MMP16: variants seen among roughly 807,000 people sequenced by gnomAD.
MMP16 encodes matrix metalloproteinase-16.
In MMP16, 12 loss-of-function variants were observed where a neutral mutation model predicts 67.8. The ratio of observed to expected loss-of-function variants is 0.18; its 90% CI spans 0.11 to 0.29. The LOEUF (loss-of-function observed/expected upper bound fraction) is 0.29. MMP16 is among the 10% of genes least tolerant of loss of function. The probability of loss-of-function intolerance (pLI) is 1.00; values close to 1 mark genes in which losing one functional copy is unlikely to be tolerated. For missense variants in MMP16, 475 were observed against 765.7 expected (o/e 0.62, Z 4.48); for synonymous variants, 249 against 255.9 (o/e 0.97, Z 0.26).
At chr8:88,264,377 T>C (rs1454856571) in intron 1 of MMP16, among the ~76,000 whole-genome samples, 1 of 152,064 alleles carries the variant, frequency 6.6e-6, no homozygotes, top group Non-Finnish European at 1.5e-5. Context: ...TTTTTAAAAA[T>C]TTTTTTAGAG....
chr8:88,122,358 C>G (rs1807854152), intron 4 of MMP16, among the ~76,000 whole-genome samples: 2 of 151,914 alleles, frequency 1.3e-5, no homozygotes, highest in Admixed American at 1.3e-4. Context: ...CTCCATGAAG[C>G]CTTCTCCAAA....
At chr8:88,166,670 A>T (rs1808715871) in intron 4 of MMP16, among the ~76,000 whole-genome samples, 1 of 116,530 alleles carries the variant, frequency 8.6e-6, no homozygotes, top group Admixed American at 8.9e-5. Flanking sequence ...GAGACAAAAG[A>T]GAAGGAGCAA....
intron 1 of MMP16, among the ~76,000 whole-genome samples, chr8:88,298,121 G>C (rs1811040120): frequency 6.6e-6 from 1 of 152,170 alleles, no homozygotes; most frequent in Non-Finnish European, 1.5e-5. Flanking sequence ...AAAGTGATTA[G>C]AAGGTAAAAG....
chr8:88,056,520 A>C (rs1333212687), intron 7 of MMP16, among the ~76,000 whole-genome samples: 1 of 151,864 alleles, frequency 6.6e-6, no homozygotes, highest in Non-Finnish European at 1.5e-5. Context: ...AATATAACCA[A>C]AATTTGTGAG....
At chr8:88,147,913 CT>C (rs1241170343) in intron 4 of MMP16, among the ~76,000 whole-genome samples, 4 of 152,216 alleles carry the variant, frequency 2.6e-5, no homozygotes, top group Admixed American at 2.0e-4. Flanking sequence ...TTTGCATACT[CT>C]TTCCCCCGTT....
chr8:88,237,227 T>A (rs1476897415), intron 1 of MMP16, among the ~76,000 whole-genome samples: 1 of 152,212 alleles, frequency 6.6e-6, no homozygotes. Flanking sequence ...GAAATTCTTT[T>A]TGTTCAACTA....
chr8:88,260,765 T>C (rs563485074), intron 1 of MMP16, among the ~76,000 whole-genome samples: 6 of 152,256 alleles, frequency 3.9e-5, no homozygotes, highest in African/African-American at 1.2e-4. Context: ...AGTATAAACA[T>C]AGCTAAATGA....
intron 1 of MMP16, among the ~76,000 whole-genome samples, chr8:88,207,630 T>C (rs1476454719): frequency 6.6e-6 from 1 of 151,876 alleles, no homozygotes; most frequent in South Asian, 2.1e-4. Flanking sequence ...GTAGCACAGA[T>C]TGATGTCTGC....
At chr8:88,275,451 T>G (rs1407237453) in intron 1 of MMP16, among the ~76,000 whole-genome samples, 1 of 151,918 alleles carries the variant, frequency 6.6e-6, no homozygotes, top group African/African-American at 2.4e-5. Flanking sequence ...GCTTAGCCAT[T>G]TTTTTCAGGA....
chr8:88,278,186 C>T (rs1209164038), intron 1 of MMP16, among the ~76,000 whole-genome samples: 1 of 152,130 alleles, frequency 6.6e-6, no homozygotes, highest in Non-Finnish European at 1.5e-5. Context: ...ATCCTGAAAC[C>T]TGTATTTTTG....
At chr8:88,197,339 A>G (rs565297653) in intron 1 of MMP16, 33 bp from the exon 2 acceptor site, 6 of 1,503,142 alleles carry the variant, frequency 4.0e-6, no homozygotes, top group Middle Eastern at 1.8e-4. Flanking sequence ...TTTTAGATCA[A>G]TTTTACAATT....
intron 1 of MMP16, among the ~76,000 whole-genome samples, chr8:88,249,268 A>G (rs528837923): frequency 6.6e-6 from 1 of 152,188 alleles, no homozygotes; most frequent in South Asian, 2.1e-4. Context: ...AAAACACAAA[A>G]TTTGGAAGCC....
intron 4 of MMP16, among the ~76,000 whole-genome samples, chr8:88,139,835 C>T (rs1808182304): frequency 6.6e-6 from 1 of 151,978 alleles, no homozygotes; most frequent in Non-Finnish European, 1.5e-5. Context: ...TCATAGAAAA[C>T]AGGAAATTTA....
intron 1 of MMP16, among the ~76,000 whole-genome samples, chr8:88,252,386 C>T (rs1053474421): frequency 1.7e-4 from 26 of 152,068 alleles, no homozygotes; most frequent in Non-Finnish European, 3.2e-4. Flanking sequence ...CAACTGATTT[C>T]TCAGTCACTA....
intron 1 of MMP16, among the ~76,000 whole-genome samples, chr8:88,280,489 G>A (rs557744535): frequency 2.6e-5 from 4 of 152,250 alleles, no homozygotes; most frequent in Middle Eastern, 6.8e-3. Flanking sequence ...AATGATTCTG[G>A]TCTGTGTCTT....
intron 1 of MMP16, among the ~76,000 whole-genome samples, chr8:88,285,922 C>G (rs562579593): frequency 6.6e-6 from 1 of 152,242 alleles, no homozygotes; most frequent in South Asian, 2.1e-4. Flanking sequence ...TCTCATCCTC[C>G]TCCTGCAACA....
chr8:88,260,671 A>G (rs902182699), intron 1 of MMP16, among the ~76,000 whole-genome samples: 1 of 152,144 alleles, frequency 6.6e-6, no homozygotes, highest in Non-Finnish European at 1.5e-5. Context: ...ATTATTAGGG[A>G]AAAAAACTCA....
intron 6 of MMP16, among the ~76,000 whole-genome samples, chr8:88,082,828 A>C (rs1013288452): frequency 4.6e-5 from 7 of 151,824 alleles, no homozygotes; most frequent in Admixed American, 1.3e-4. Flanking sequence ...TTAAAAATAA[A>C]AAAAATTAAA....
intron 6 of MMP16, among the ~76,000 whole-genome samples, chr8:88,095,302 T>A (rs1809007263): frequency 6.6e-6 from 1 of 151,922 alleles, no homozygotes; most frequent in Admixed American, 6.6e-5. Flanking sequence ...ATTTTTTTTT[T>A]CCACCAGCAA....
Sources: allele counts gnomAD v4.1 joint callset (sites outside exome capture counted in the v4.1 genomes callset), GRCh38; gene constraint gnomAD v4.1.1; transcripts MANE v1.5; gene names NCBI Gene and HGNC (gene_info 2026-07-23, HGNC 2026-07-21).